The following NCAM1 variants were observed in gnomAD, a reference collection of about 807,000 sequenced individuals.
The protein encoded by NCAM1 is antigen recognized by monoclonal antibody 5.1H11.
In NCAM1, 14 loss-of-function variants were observed where a neutral mutation model predicts 109.8. The ratio of observed to expected loss-of-function variants is 0.13; its 90% CI spans 0.08 to 0.20. NCAM1 has a LOEUF of 0.20. Ranked by LOEUF, NCAM1 falls within the 10% of genes least tolerant of loss-of-function variation. NCAM1 has a pLI of 1.00. For missense variants in NCAM1, 774 were observed against 1,109.9 expected, an observed-to-expected ratio of 0.70 and a Z score of 4.30; for synonymous variants, 418 against 442.9, an observed-to-expected ratio of 0.94 and a Z score of 0.70.
intron 17 of NCAM1, chr11:113,263,904 G>A (rs1229159887): frequency 3.8e-5 from 37 of 985,402 alleles, no homozygotes; most frequent in East Asian, 1.1e-4. Flanking sequence ...AATTGGGGCC[G>A]AGCCAACCTG....
In NCAM1 at chr11:113,131,034, A is replaced by T. The variant is rs1277764127; in HGVS notation, c.53-71345A>T. ...GAAAAATTTGCTTCCTTAGCCTAAA[A>T]GTCACAGGACAGACGGTTAGTAACG... is the stretch of plus-strand genomic sequence containing the variant. On this transcript the variant is annotated intron_variant, in intron 1 of 19. Transcript: ENST00000316851. Among the ~76,000 whole-genome samples the T allele has an allele frequency of 5.9e-5, 9 of 152,208 alleles. No individual in the cohort carries two copies. In the East Asian group the frequency reaches 1.3e-3, roughly 23 times the overall value.
chr11:113,093,604 G>T (rs1555089765), intron 1 of NCAM1, among the ~76,000 whole-genome samples: 1 of 152,122 alleles, frequency 6.6e-6, no homozygotes, highest in African/African-American at 2.4e-5. Flanking sequence ...GCTTCCCTTT[G>T]AAAGTTTACG....
rs1039228390 is a variant in NCAM1, at chr11:113,271,874, C to T, written c.2454C>T (p.Pro818=). 32 of 1,560,842 alleles carry T rather than the reference C, an allele frequency of 2.1e-5. No individual in the cohort carries two copies. Among genetic ancestry groups the T allele is most frequent in the Middle Eastern group, 1.7e-4 (1 of 5,994 alleles). ...EPNETTPLTE[P]EKGPVEAKPE... ...ACGAGACCACGCCACTGACGGAGCC[C>T]GAGTACGTGGGCTGGGAGGGGCTGG... Residue 818 remains proline (P), a splice_region_variant and synonymous_variant, in exon 19 of 20, where the codon CCC becomes CCT. Coordinates refer to ENST00000316851, the MANE Select transcript of NCAM1 (RefSeq NM_181351.5).
intron 1 of NCAM1, among the ~76,000 whole-genome samples, chr11:113,164,541 C>T (rs545796312): frequency 1.3e-5 from 2 of 152,274 alleles, no homozygotes; most frequent in South Asian, 4.1e-4. Context: ...TCCTTAGGTT[C>T]CATGATTGCT....
At position 113,270,265 on chromosome 11, in the gene NCAM1, G is replaced by C. The variant is rs1330305396; in HGVS notation, c.2209G>C (p.Val737Leu). ...ILIVIFVLLLVVVDITCYFLN... is the reference protein window; with the variant it reads ...ILIVIFVLLLLVVDITCYFLN... Reference sequence around the variant, plus strand: ...CATCGTCATCTTCGTCCTGCTCCTGGTGGTTGTGGACATCACCTGCTACTT... The same window carrying C: ...CATCGTCATCTTCGTCCTGCTCCTGCTGGTTGTGGACATCACCTGCTACTT... The change falls in exon 18 of 20, where the codon GTG becomes CTG. Residue 737 changes from valine (V) to leucine (L), a missense_variant. Val to Leu is a conservative substitution (Grantham distance 32). Coordinates refer to ENST00000316851, the MANE Select transcript of NCAM1 (RefSeq NM_181351.5). 3 of 1,614,056 alleles carry C rather than the reference G, an allele frequency of 1.9e-6. No individual in the cohort carries two copies. The highest frequency in any genetic ancestry group is 1.7e-6 in the Non-Finnish European group (2 of 1,179,910).
chr11:113,015,745 C>T (rs562689454), intron 1 of NCAM1, among the ~76,000 whole-genome samples: 19 of 151,622 alleles, frequency 1.3e-4, no homozygotes, highest in African/African-American at 3.4e-4. Flanking sequence ...AAAACAAAAA[C>T]AAAAACAAAA....
intron 1 of NCAM1, among the ~76,000 whole-genome samples, chr11:113,149,125 T>G (rs1322101559): frequency 6.6e-6 from 1 of 152,202 alleles, no homozygotes; most frequent in Non-Finnish European, 1.5e-5. Context: ...GAAAGTCGTT[T>G]GAAGTTGCCT....
intron 1 of NCAM1, among the ~76,000 whole-genome samples, chr11:113,033,662 T>C (rs1952783954): frequency 6.6e-6 from 1 of 152,184 alleles, no homozygotes; most frequent in Non-Finnish European, 1.5e-5. Context: ...AGCTGTCTTT[T>C]AAAGGGATAT....
At chr11:113,152,386 C>T (rs782401097) in intron 1 of NCAM1, among the ~76,000 whole-genome samples, 22 of 152,256 alleles carry the variant, frequency 1.4e-4, no homozygotes, top group Non-Finnish European at 1.9e-4. Context: ...ACAACTGCCA[C>T]AATCCCCTTG....
At chr11:113,231,129 G>T (rs782264232) in intron 9 of NCAM1, 142 of 1,394,590 alleles carry the variant, frequency 1.0e-4, no homozygotes, top group Non-Finnish European at 1.4e-4. Context: ...CAGGAAAGAG[G>T]CATCTGCAGA....
At chr11:113,017,519 T>C (rs1555075469) in intron 1 of NCAM1, among the ~76,000 whole-genome samples, 3 of 152,180 alleles carry the variant, frequency 2.0e-5, no homozygotes, top group African/African-American at 7.2e-5. Context: ...CCCAGGGCTG[T>C]GGTGACTTCA....
chr11:113,075,019 T>TA (rs1938465908), intron 1 of NCAM1, among the ~76,000 whole-genome samples: 1 of 152,088 alleles, frequency 6.6e-6, no homozygotes, highest in Non-Finnish European at 1.5e-5. Context: ...AGCACCTGTG[T>TA]AAAAAGAGCC....
intron 1 of NCAM1, among the ~76,000 whole-genome samples, chr11:113,149,898 AAG>A (rs1408577770): frequency 1.3e-5 from 2 of 152,208 alleles, no homozygotes; most frequent in African/African-American, 4.8e-5. Flanking sequence ...TTATTTGAAA[AAG>A]AGATATTCTT....
At chr11:113,163,124 A>G (rs947798330) in intron 1 of NCAM1, among the ~76,000 whole-genome samples, 19 of 152,162 alleles carry the variant, frequency 1.2e-4, no homozygotes, top group African/African-American at 4.1e-4. Flanking sequence ...TCATCTGGCA[A>G]CCTCAAACTC....
chr11:113,272,960 C>G (rs1027722702), intron 19 of NCAM1: 3 of 456,722 alleles, frequency 6.6e-6, no homozygotes, highest in African/African-American at 6.0e-5. Flanking sequence ...CGGCCACTGT[C>G]GAGGACATGC....
intron 14 of NCAM1, chr11:113,235,397 C>A: frequency 1.1e-6 from 1 of 893,308 alleles, no homozygotes; most frequent in Non-Finnish European, 1.8e-6. Flanking sequence ...AGTAGCCGGT[C>A]CAGCTTGTTA....
chr11:113,178,813 C>G (rs761897533), intron 1 of NCAM1, among the ~76,000 whole-genome samples: 7 of 152,146 alleles, frequency 4.6e-5, no homozygotes, highest in Admixed American at 3.3e-4. Flanking sequence ...TGACACATGG[C>G]AGATTACAGC....
chr11:113,037,990 G>C (rs1295926536), intron 1 of NCAM1, among the ~76,000 whole-genome samples: 1 of 152,142 alleles, frequency 6.6e-6, no homozygotes, highest in East Asian at 1.9e-4. Flanking sequence ...GTCCCAGAGG[G>C]CCAGGCTCAC....
chr11:113,169,731 G>A (rs1174983839), intron 1 of NCAM1, among the ~76,000 whole-genome samples: 1 of 151,216 alleles, frequency 6.6e-6, no homozygotes, highest in African/African-American at 2.4e-5. Context: ...GGGTTCAAGC[G>A]ATTCTCCTGC....
Sources: gnomAD v4.1 joint callset for allele counts (sites outside exome capture counted in the v4.1 genomes callset) on GRCh38, gnomAD v4.1.1 for gene constraint, MANE v1.5 for transcripts, NCBI Gene and HGNC (gene_info 2026-07-23, HGNC 2026-07-21) for gene names.